FBXO3: variants seen among roughly 807,000 people sequenced by gnomAD.
FBXO3 encodes the protein F-box only protein 3.
In FBXO3, 17 loss-of-function variants were observed where a neutral mutation model predicts 64.8. That is an observed-to-expected ratio of 0.26 (90% CI 0.18 to 0.39). FBXO3 has a LOEUF of 0.39. Among genes scored for constraint, FBXO3 ranks in the 10% least tolerant of loss-of-function variants. FBXO3 has a pLI of 1.00. For synonymous variants in FBXO3, 182 were observed against 201.6 expected (o/e 0.90, Z 0.82); for missense variants, 420 against 589.9 (o/e 0.71, Z 2.98).
intron 4 of FBXO3, among the ~76,000 whole-genome samples, chr11:33,757,641 C>T (rs1454616406): frequency 2.3e-5 from 2 of 86,060 alleles, no homozygotes; most frequent in Non-Finnish European, 4.6e-5. Context: ...GGCAACACAC[C>T]AAGACACCAT....
intron 8 of FBXO3, 124 bp downstream of exon 8, chr11:33,750,415 C>T: frequency 9.0e-7 from 1 of 1,116,502 alleles, no homozygotes; most frequent in East Asian, 2.5e-5. Context: ...ATCCACCTTC[C>T]TCCAAACTTC....
At chr11:33,745,518 G>A (rs983229384) in intron 10 of FBXO3, 22 of 152,054 alleles carry the variant, frequency 1.4e-4, no homozygotes, top group African/African-American at 4.6e-4. Context: ...TTAAAAAATC[G>A]ATAGCCAAAA....
chr11:33,770,665 G>A (rs1855489958), intron 2 of FBXO3, 76 bp downstream of exon 2: 3 of 1,066,058 alleles, frequency 2.8e-6, no homozygotes, highest in African/African-American at 3.1e-5. Context: ...GGTTAGAGAG[G>A]AGAATCAGGA....
rs765652330 is a variant in FBXO3, at chr11:33,741,936, C to T, written c.1388G>A (p.Arg463His). ...AAAAAGGCGTGAGCAGCGGCGTCTGCGAATGGGAACATCAAAGACTCTCCT... is the reference window on the plus strand; with the variant it reads ...AAAAAGGCGTGAGCAGCGGCGTCTGTGAATGGGAACATCAAAGACTCTCCT... ...RRRRVFDVPI[R>H]RRRCSRLF is the part of the protein sequence containing the mutation. The change falls in exon 11 of 11, where the codon CGC becomes CAC. Residue 463 changes from arginine to histidine, a missense_variant. Physicochemically the swap from Arg to His is conservative, Grantham distance 29 (BLOSUM62 0). Transcript: ENST00000265651. 70 of 1,612,998 alleles carry T rather than the reference C, an allele frequency of 4.3e-5. No homozygotes were observed. Among genetic ancestry groups the T allele is most frequent in the Non-Finnish European group, 5.2e-5 (61 of 1,179,474 alleles).
At position 33,741,900 on chromosome 11, in the gene FBXO3, A is replaced by T; in HGVS notation, c.*8T>A. The T allele has an allele frequency of 6.2e-7, 1 of 1,608,860 alleles. No individual in the cohort carries two copies. The highest frequency in any genetic ancestry group is 8.5e-7 in the Non-Finnish European group (1 of 1,177,562). ...ATCATCCTAGTGCTTCCATCAGCAGAAGGCTTGCTAAAAAAGGCGTGAGCA... is the reference window on the plus strand; with the variant it reads ...ATCATCCTAGTGCTTCCATCAGCAGTAGGCTTGCTAAAAAAGGCGTGAGCA... On this transcript the variant is annotated 3_prime_UTR_variant, in exon 11 of 11. Coordinates refer to ENST00000265651, the MANE Select transcript of FBXO3 (RefSeq NM_012175.4).
At chr11:33,756,088 A>G in intron 4 of FBXO3, 113 bp from the exon 5 acceptor site, 1 of 742,906 alleles carries the variant, frequency 1.3e-6, no homozygotes, top group Non-Finnish European at 2.3e-6. Flanking sequence ...ACTAATTAAC[A>G]TGACAATTCT....
At chr11:33,758,110 T>C (rs1397802733) in intron 4 of FBXO3, among the ~76,000 whole-genome samples, 3 of 152,154 alleles carry the variant, frequency 2.0e-5, no homozygotes, top group African/African-American at 7.2e-5. Context: ...TTTACATGTA[T>C]AGTAGGTAGA....
intron 3 of FBXO3, among the ~76,000 whole-genome samples, chr11:33,764,400 T>C (rs1855316708): frequency 6.6e-6 from 1 of 152,116 alleles, no homozygotes; most frequent in Non-Finnish European, 1.5e-5. Flanking sequence ...ATCTGGAGGG[T>C]GTTACAATGG....
intron 8 of FBXO3, 148 bp from the exon 9 acceptor site, chr11:33,749,040 T>C: frequency 2.0e-6 from 1 of 493,330 alleles, no homozygotes; most frequent in South Asian, 3.6e-5. Context: ...CCATCTATTT[T>C]TCTAAGTTCT....
chr11:33,754,951 C>T (rs186167362), intron 5 of FBXO3, among the ~76,000 whole-genome samples: 2 of 149,896 alleles, frequency 1.3e-5, no homozygotes, highest in East Asian at 4.0e-4. Flanking sequence ...CTATGACCTC[C>T]GCCTCCCGGA....
At chr11:33,746,794 G>A in intron 10 of FBXO3, 2 of 1,401,318 alleles carry the variant, frequency 1.4e-6, no homozygotes, top group Non-Finnish European at 1.8e-6. Flanking sequence ...CATTAAATTG[G>A]AAGTTTGAGC....
chr11:33,761,283 A>T (rs904378171), intron 3 of FBXO3, among the ~76,000 whole-genome samples: 8 of 152,136 alleles, frequency 5.3e-5, no homozygotes, highest in African/African-American at 1.9e-4. Context: ...TTAAATATGA[A>T]TAGACTAAAT....
intron 10 of FBXO3, chr11:33,746,689 G>T: frequency 7.7e-7 from 1 of 1,307,012 alleles, no homozygotes; most frequent in South Asian, 1.3e-5. Flanking sequence ...ATACCTAGTT[G>T]ACTTAAGAAA....
chr11:33,742,069 C>A lies in FBXO3; in HGVS notation c.1255G>T (p.Glu419Ter). ...SIARLEMGPD[E>*]YEEMEEEEEE... The stretch of plus-strand genomic sequence containing the variant: ...TCCTCTTCTTCCATCTCTTCATATT[C>A]ATCAGGACCCATTTCCTTGAAAGAG... Residue 419 changes from glutamate to a stop codon, truncating the protein, a stop_gained, in exon 11 of 11, where the codon GAA (glutamate) becomes TAA (stop). Coordinates refer to ENST00000265651, the MANE Select transcript of FBXO3 (RefSeq NM_012175.4). LOFTEE classifies it high-confidence loss of function. 1 of 1,594,140 alleles carries A rather than the reference C, an allele frequency of 6.3e-7. No homozygotes were observed. The highest frequency in any genetic ancestry group is 1.3e-5 in the African/African-American group (1 of 74,448).
At chr11:33,766,338 T>A (rs190751260) in intron 3 of FBXO3, among the ~76,000 whole-genome samples, 10 of 152,340 alleles carry the variant, frequency 6.6e-5, no homozygotes, top group African/African-American at 2.4e-4. Flanking sequence ...ATGGGCATAT[T>A]ATAGCCCACA....
At chr11:33,754,362 G>A in intron 6 of FBXO3, 93 bp downstream of exon 6, 1 of 1,029,306 alleles carries the variant, frequency 9.7e-7, no homozygotes, top group Non-Finnish European at 1.4e-6. Context: ...ATTGCCAGCT[G>A]CTAAAGTAGC....
chr11:33,741,835 A>C lies in FBXO3; in HGVS notation c.*73T>G. 1.4e-6 allele frequency: 2 copies of C among 1,411,406 alleles called. No individual in the cohort carries two copies. The highest frequency in any genetic ancestry group is 4.9e-5 in the East Asian group (2 of 40,910). 87.4% of individuals were successfully genotyped at this position (1,411,406 alleles called of 1,614,324 possible). Reference sequence around the variant, plus strand: ...TCCTGCTATATGCAGAGAACAATTTAGTTATTTACATTATTGAGAAATCTA... The same window carrying C: ...TCCTGCTATATGCAGAGAACAATTTCGTTATTTACATTATTGAGAAATCTA... On this transcript the variant is annotated 3_prime_UTR_variant, in exon 11 of 11. Coordinates refer to ENST00000265651, the MANE Select transcript of FBXO3 (RefSeq NM_012175.4).
At chr11:33,749,607 T>C in intron 8 of FBXO3, among the ~76,000 whole-genome samples, 1 of 152,100 alleles carries the variant, frequency 6.6e-6, no homozygotes, top group Non-Finnish European at 1.5e-5. Flanking sequence ...CAAGCAATCC[T>C]CTCACCTTAG....
At chr11:33,742,128 GTTT>G in intron 10 of FBXO3, 44 bp from the exon 11 acceptor site, 11 of 1,446,236 alleles carry the variant, frequency 7.6e-6, no homozygotes, top group Non-Finnish European at 1.0e-5. Flanking sequence ...GCATCTATCA[GTTT>G]TTTAGTTATT....
Sources: allele counts gnomAD v4.1 joint callset (sites outside exome capture counted in the v4.1 genomes callset), GRCh38; gene constraint gnomAD v4.1.1; transcripts MANE v1.5; gene names NCBI Gene and HGNC (gene_info 2026-07-23, HGNC 2026-07-21).